ENTPD1: variants seen among roughly 807,000 people sequenced by gnomAD.
The protein encoded by ENTPD1 is ATP diphosphohydrolase.
ENTPD1 carries 33 observed loss-of-function variants against 57.0 expected under a neutral mutation model. The observed-to-expected ratio is 0.58, with a 90% CI of 0.44 to 0.77. The LOEUF (loss-of-function observed/expected upper bound fraction) is 0.77. Among genes scored for constraint, ENTPD1 ranks in the 30% least tolerant of loss-of-function variants. ENTPD1 has a pLI of 0.00. For synonymous variants in ENTPD1, 202 were observed against 218.8 expected (o/e 0.92, Z 0.68); for missense variants, 501 against 603.4 (o/e 0.83, Z 1.78).
Position 95,869,005 on chromosome 10 carries a change from G to T in ENTPD1, c.*2622G>T. On this transcript the variant is annotated 3_prime_UTR_variant, in exon 10 of 10. Transcript: ENST00000371205. ...GAGGCAGATCCAGCAATCTGCTTTGGGCCACTCTGGGTGGGGTAGGTGAAA... is the reference window on the plus strand; with the variant it reads ...GAGGCAGATCCAGCAATCTGCTTTGTGCCACTCTGGGTGGGGTAGGTGAAA... The T allele has an allele frequency of 1.0e-6, 1 of 985,312 alleles. No individual in the cohort carries two copies. The highest frequency in any genetic ancestry group is 1.2e-6 in the Non-Finnish European group (1 of 829,920). The allele number at this position is 985,312 out of a possible 1,614,324, so 61.0% of individuals were successfully genotyped here.
intron 1 of ENTPD1, among the ~76,000 whole-genome samples, chr10:95,720,545 G>T (rs992736790): frequency 6.6e-6 from 1 of 152,272 alleles, no homozygotes; most frequent in Admixed American, 6.5e-5. Context: ...GACTGAGAAG[G>T]CCGTGCCAGT....
the ENTPD1 span, among the ~76,000 whole-genome samples, chr10:95,695,613 T>A: frequency 1.1e-4 from 16 of 152,242 alleles, no homozygotes; most frequent in Admixed American, 2.6e-4. Context: ...TAGACAGCTA[T>A]GGGAGATATG....
chr10:95,711,759 T>A, upstream of ENTPD1: 2 of 655,276 alleles, frequency 3.1e-6, 1 homozygote. Flanking sequence ...CCCCTTCAGG[T>A]CTTCATTCTG....
intron 1 of ENTPD1, among the ~76,000 whole-genome samples, chr10:95,788,561 G>A (rs1465555084): frequency 6.6e-6 from 1 of 151,758 alleles, no homozygotes; most frequent in African/African-American, 2.4e-5. Context: ...AGGTTGCAGT[G>A]AGCTGAGATT....
At chr10:95,772,293 A>G (rs1335626856) in intron 1 of ENTPD1, among the ~76,000 whole-genome samples, 4 of 152,172 alleles carry the variant, frequency 2.6e-5, no homozygotes, top group Admixed American at 1.3e-4. Context: ...TTCGTGACAG[A>G]TTTCTCTGTA....
At chr10:95,848,566 C>G (rs572662976) in intron 7 of ENTPD1, among the ~76,000 whole-genome samples, 8 of 152,068 alleles carry the variant, frequency 5.3e-5, no homozygotes, top group Non-Finnish European at 1.0e-4. Context: ...TTCTGGTTGT[C>G]TGTGGTTGGG....
At chr10:95,719,356 G>A (rs890728970) in intron 1 of ENTPD1, among the ~76,000 whole-genome samples, 6 of 152,200 alleles carry the variant, frequency 3.9e-5, no homozygotes, top group Admixed American at 2.0e-4. Flanking sequence ...TGCTTCAGGT[G>A]TCCTTCTTAC....
the ENTPD1 span, among the ~76,000 whole-genome samples, chr10:95,703,757 AG>A: frequency 1.0e-5 from 1 of 99,116 alleles, no homozygotes; most frequent in African/African-American, 4.0e-5. Context: ...ACTCCAGCCT[AG>A]GCGACAGAGC....
intron 1 of ENTPD1, among the ~76,000 whole-genome samples, chr10:95,746,243 A>T (rs975577581): frequency 1.4e-4 from 21 of 152,158 alleles, no homozygotes; most frequent in African/African-American, 4.8e-4. Context: ...ACCCTTACTG[A>T]GTGCCACCTA....
intron 2 of ENTPD1, among the ~76,000 whole-genome samples, chr10:95,834,178 A>G (rs957447959): frequency 1.2e-4 from 18 of 152,226 alleles, no homozygotes; most frequent in Non-Finnish European, 7.3e-5. Context: ...TGATTCAATA[A>G]TGATCTGTTG....
chr10:95,806,093 C>T (rs2098271155), intron 1 of ENTPD1, among the ~76,000 whole-genome samples: 1 of 152,238 alleles, frequency 6.6e-6, no homozygotes, highest in South Asian at 2.1e-4. Context: ...TGTTTTCCAA[C>T]TTGGTTCCAT....
At chr10:95,815,540 A>G (rs1000275153) in intron 1 of ENTPD1, among the ~76,000 whole-genome samples, 1 of 152,200 alleles carries the variant, frequency 6.6e-6, no homozygotes, top group African/African-American at 2.4e-5. Context: ...ACCACATAAC[A>G]GTACTGGTAG....
intron 1 of ENTPD1, among the ~76,000 whole-genome samples, chr10:95,728,449 C>T (rs1173623889): frequency 5.9e-5 from 9 of 152,178 alleles, no homozygotes; most frequent in Non-Finnish European, 1.3e-4. Context: ...TGGGCAGCTG[C>T]AGCCGCAAAC....
chr10:95,753,438 G>A (rs1273385456), upstream of ENTPD1: 1 of 152,180 alleles, frequency 6.6e-6, no homozygotes, highest in African/African-American at 2.4e-5. Flanking sequence ...CATGTAATAT[G>A]AATTAGGGGT....
Position 95,872,598 on chromosome 10 carries a change from T to C in ENTPD1, c.*6215T>C. The C allele has an allele frequency of 3.0e-6, 3 of 985,454 alleles. No individual in the cohort carries two copies. Among genetic ancestry groups the C allele is most frequent in the Non-Finnish European group, 3.6e-6 (3 of 829,942 alleles). 61.0% of individuals were successfully genotyped at this position (985,454 alleles called of 1,614,324 possible). On this transcript the variant is annotated 3_prime_UTR_variant, in exon 10 of 10. Transcript: ENST00000371205. ...CCATTAGTGCACTGAGACCATTCTG[T>C]TCAGTGTCTGGGTGAAGCTTCCTGG... is the stretch of plus-strand genomic sequence containing the variant.
At chr10:95,701,493 G>T in the ENTPD1 span, among the ~76,000 whole-genome samples, 3 of 152,178 alleles carry the variant, frequency 2.0e-5, no homozygotes, top group South Asian at 4.1e-4. Flanking sequence ...CAGAGTAAAA[G>T]ATTTTTATCA....
intron 2 of ENTPD1, among the ~76,000 whole-genome samples, chr10:95,837,990 C>T (rs2098414406): frequency 6.7e-6 from 1 of 149,950 alleles, no homozygotes; most frequent in African/African-American, 2.5e-5. Context: ...ACACCACACA[C>T]CCACACACAC....
rs192641985 is a variant in ENTPD1 at position 95,873,546 on chromosome 10, T to C, written c.*7163T>C. ...CCCATAGGAAAGAGTAGGTAGGTTATGCCAGCTCACACGCATCCTTTAAAA... is the reference window on the plus strand; with the variant it reads ...CCCATAGGAAAGAGTAGGTAGGTTACGCCAGCTCACACGCATCCTTTAAAA... On this transcript the variant is annotated 3_prime_UTR_variant, in exon 10 of 10. Transcript: ENST00000371205. 3.0e-6 allele frequency: 3 copies of C among 985,402 alleles called. No individual in the cohort carries two copies. In the Admixed American group the frequency reaches 1.8e-4, roughly 60 times the overall value. 61.0% of individuals were successfully genotyped at this position (985,402 alleles called of 1,614,324 possible).
At chr10:95,749,764 C>T (rs1380397689) in intron 1 of ENTPD1, among the ~76,000 whole-genome samples, 1 of 152,152 alleles carries the variant, frequency 6.6e-6, no homozygotes, top group East Asian at 1.9e-4. Flanking sequence ...GACCAACTTC[C>T]TGGTGGGAAG....
Sources: allele counts gnomAD v4.1 joint callset (sites outside exome capture counted in the v4.1 genomes callset), GRCh38; gene constraint gnomAD v4.1.1; transcripts MANE v1.5; gene names NCBI Gene and HGNC (gene_info 2026-07-23, HGNC 2026-07-21).